Variants in ASIC4 observed in about 807,000 individuals in gnomAD.
ASIC4 encodes acid sensing ion channel subunit family member 4.
ASIC4 carries 28 observed loss-of-function variants against 53.4 expected under a neutral mutation model. The ratio of observed to expected loss-of-function variants is 0.52; its 90% CI spans 0.39 to 0.72. The LOEUF is 0.72. Ranked by LOEUF, ASIC4 falls within the 30% of genes least tolerant of loss-of-function variation. ASIC4 has a pLI of 0.00. For missense variants in ASIC4, 649 were observed against 729.7 expected, an observed-to-expected ratio of 0.89 and a Z score of 1.27; for synonymous variants, 289 against 301.4, an observed-to-expected ratio of 0.96 and a Z score of 0.43.
At position 219,537,448 on chromosome 2, in the gene ASIC4, C is replaced by T. The variant is rs1695159847; in HGVS notation, c.1401+127C>T. On this transcript the variant is annotated intron_variant, in intron 8 of 9. Coordinates refer to ENST00000358078, the MANE Select transcript of ASIC4 (RefSeq NM_018674.6). The surrounding 1 kb of genome is among the most constrained non-coding windows in gnomAD (Gnocchi z 4.9). The stretch of plus-strand genomic sequence containing the variant: ...GTTCAGGGTTCTCTGCCAGGGTCCC[C>T]TGACTGGCTGGCAGGCCTGAGGGCT... The T allele has an allele frequency of 8.2e-7, 1 of 1,225,816 alleles. No individual in the cohort carries two copies. The highest frequency in any genetic ancestry group is 1.4e-5 in the South Asian group (1 of 73,000). 75.9% of individuals were successfully genotyped at this position (1,225,816 alleles called of 1,614,324 possible).
upstream of ASIC4, among the ~76,000 whole-genome samples, chr2:219,511,846 A>G (rs963370989): frequency 6.6e-6 from 1 of 151,520 alleles, no homozygotes; most frequent in African/African-American, 2.4e-5. This position sits in a 1 kb window ranked among gnomAD's most constrained non-coding sequence, Gnocchi z 5.3. Context: ...TAAATGAGGG[A>G]GATTATCACC....
At chr2:219,514,011 G>A (rs1349608571), upstream of ASIC4, among the ~76,000 whole-genome samples, 6 of 152,194 alleles carry the variant, frequency 3.9e-5, no homozygotes, top group Non-Finnish European at 5.9e-5. Context: ...TCAGGTGGTG[G>A]CTGGGTGCTG....
At chr2:219,535,598 A>AG (rs1411627533) in intron 6 of ASIC4, among the ~76,000 whole-genome samples, 3 of 150,000 alleles carry the variant, frequency 2.0e-5, no homozygotes, top group African/African-American at 7.4e-5. Flanking sequence ...TGTATCTGTG[A>AG]ATGGGTATGT....
At chr2:219,531,146 C>T (rs527768871) in intron 1 of ASIC4, among the ~76,000 whole-genome samples, 1 of 151,304 alleles carries the variant, frequency 6.6e-6, no homozygotes, top group South Asian at 2.1e-4. Context: ...CCCAAGAGTT[C>T]AAGACCAGCC....
intron 1 of ASIC4, among the ~76,000 whole-genome samples, chr2:219,522,942 C>A (rs887390304): frequency 7.9e-5 from 12 of 151,966 alleles, no homozygotes; most frequent in African/African-American, 2.9e-4. Flanking sequence ...CGGGAGGGAG[C>A]GGAGGGCGGC....
At position 219,537,916 on chromosome 2, in the gene ASIC4, TTTTC is replaced by T. The variant is rs1695172489; in HGVS notation, c.1507-11_1507-8del. ...TGAGCTCTCCCGGTCCCACTCTCTC[TTTTC>T]TTTCTCCTGCAGAGTCCCTGCCCGA... On this transcript the variant is annotated splice_polypyrimidine_tract_variant and intron_variant, in intron 9 of 9. Transcript: ENST00000358078. This position sits in a 1 kb window ranked among gnomAD's most constrained non-coding sequence, Gnocchi z 4.9. 4.4e-6 allele frequency: 7 copies of T among 1,585,978 alleles called. No individual in the cohort carries two copies. The highest frequency in any genetic ancestry group is 2.7e-5 in the African/African-American group (2 of 74,588).
At chr2:219,511,648 C>T (rs1271660966), upstream of ASIC4, among the ~76,000 whole-genome samples, 1 of 152,248 alleles carries the variant, frequency 6.6e-6, no homozygotes, top group South Asian at 2.1e-4. This position sits in a 1 kb window ranked among gnomAD's most constrained non-coding sequence, Gnocchi z 5.3. Flanking sequence ...ACACCCAGCT[C>T]AGGGCCTGGC....
chr2:219,515,503 G>A (rs1369608963), intron 1 of ASIC4, among the ~76,000 whole-genome samples, 197 bp downstream of exon 1: 1 of 152,248 alleles, frequency 6.6e-6, no homozygotes, highest in East Asian at 1.9e-4. Flanking sequence ...GCTCATAGGG[G>A]CTTACCCTGG....
chr2:219,535,360 C>T, intron 6 of ASIC4, 36 bp downstream of exon 6: 3 of 1,538,276 alleles, frequency 2.0e-6, no homozygotes, highest in Non-Finnish European at 2.6e-6. Context: ...GGCTGTGTGA[C>T]TCTGTGTGTA....
chr2:219,525,590 C>T (rs557386734), intron 1 of ASIC4, among the ~76,000 whole-genome samples: 2 of 152,172 alleles, frequency 1.3e-5, no homozygotes, highest in Non-Finnish European at 2.9e-5. Context: ...TGAGTGACCT[C>T]GAAGTTCTGA....
chr2:219,535,721 TATG>T (rs1463129329), intron 6 of ASIC4, among the ~76,000 whole-genome samples: 2 of 151,798 alleles, frequency 1.3e-5, no homozygotes, highest in African/African-American at 2.4e-5. Flanking sequence ...GCCGCATCTC[TATG>T]ATGAGTCTTC....
At chr2:219,521,746 T>C (rs1220701317) in intron 1 of ASIC4, among the ~76,000 whole-genome samples, 1 of 42,236 alleles carries the variant, frequency 2.4e-5, no homozygotes, top group Non-Finnish European at 4.4e-5. Flanking sequence ...TAAGTATTCC[T>C]GAGTTATAAG....
chr2:219,523,493 G>T (rs1214254177), intron 1 of ASIC4, among the ~76,000 whole-genome samples: 1 of 152,176 alleles, frequency 6.6e-6, no homozygotes, highest in African/African-American at 2.4e-5. Flanking sequence ...GGAGGAAGTG[G>T]CCCTGAAAAG....
At chr2:219,525,046 A>ATTTG (rs1694942130) in intron 1 of ASIC4, among the ~76,000 whole-genome samples, 1 of 152,236 alleles carries the variant, frequency 6.6e-6, no homozygotes, top group Non-Finnish European at 1.5e-5. Flanking sequence ...GAGAGGTTTA[A>ATTTG]TCACACATCT....
rs142697874 is a variant in ASIC4 at position 219,514,688 on chromosome 2, C to T, written c.-37C>T. On this transcript the variant is annotated 5_prime_UTR_variant, in exon 1 of 10. Transcript: ENST00000358078. ...GGCTGCTGGCTAGGGAGGGACAGGGCAGGGAGGCTCTGGCCAGTCCCAGCA... is the reference window on the plus strand; with the variant it reads ...GGCTGCTGGCTAGGGAGGGACAGGGTAGGGAGGCTCTGGCCAGTCCCAGCA... The T allele has an allele frequency of 8.7e-6, 14 of 1,613,180 alleles. No individual in the cohort carries two copies. In the African/African-American group the frequency reaches 1.7e-4, roughly 20 times the overall value.
In ASIC4 at chr2:219,534,625, G is replaced by A. The variant is rs527775696; in HGVS notation, c.1076-546G>A. Among the ~76,000 whole-genome samples, 16 of 152,334 alleles carry A rather than the reference G, an allele frequency of 1.1e-4. No individual in the cohort carries two copies. In the South Asian group the frequency reaches 3.3e-3, roughly 32 times the overall value. On this transcript the variant is annotated intron_variant, in intron 5 of 9. Coordinates refer to ENST00000358078, the MANE Select transcript of ASIC4 (RefSeq NM_018674.6). Reference sequence around the variant, plus strand: ...TAGTTGATGCATTTGGGGGAGATCAGCCTCATAGGGTGCAGAGCAAGGTTG... The same window carrying A: ...TAGTTGATGCATTTGGGGGAGATCAACCTCATAGGGTGCAGAGCAAGGTTG...
chr2:219,537,681 T>G lies in ASIC4; in HGVS notation c.1451T>G (p.Leu484Arg). The part of the protein sequence containing the change: ...KRVWRRPKTP[L>R]RTSTGGISTL... ...GTATGGAGGCGTCCCAAGACCCCCC[T>G]GCGGACCTCCACTGGGGGCATCTCC... is the stretch of plus-strand genomic sequence containing the variant. Residue 484 changes from leucine (L) to arginine (R), a missense_variant, in exon 9 of 10, where the codon CTG (leucine) becomes CGG (arginine). Transcript: ENST00000358078. This position sits in a 1 kb window ranked among gnomAD's most constrained non-coding sequence, Gnocchi z 4.9. 2 of 1,614,062 alleles carry G rather than the reference T, an allele frequency of 1.2e-6. No homozygotes were observed. Among genetic ancestry groups the G allele is most frequent in the Non-Finnish European group, 1.7e-6 (2 of 1,179,982 alleles).
chr2:219,510,297 C>T (rs1397208946), upstream of ASIC4, among the ~76,000 whole-genome samples: 1 of 151,970 alleles, frequency 6.6e-6, no homozygotes, highest in Non-Finnish European at 1.5e-5. This position sits in a 1 kb window ranked among gnomAD's most constrained non-coding sequence, Gnocchi z 5.2. Flanking sequence ...TTCGCTGCTG[C>T]AAAGCCCTCT....
In ASIC4 at chr2:219,531,995, G is replaced by C; in HGVS notation, c.728-6G>C. 6.2e-7 allele frequency: 1 copy of C among 1,614,192 alleles called. No individual in the cohort carries two copies. The highest frequency in any genetic ancestry group is 8.5e-7 in the Non-Finnish European group (1 of 1,179,994). On this transcript the variant is annotated splice_region_variant and splice_polypyrimidine_tract_variant and intron_variant, in intron 2 of 9. Transcript: ENST00000358078. Reference sequence around the variant, plus strand: ...GTTTCCAAAGGTCCCCATCTCTGCTGTGCAGATGAGACGTCGTTTGAGGCA... The same window carrying C: ...GTTTCCAAAGGTCCCCATCTCTGCTCTGCAGATGAGACGTCGTTTGAGGCA...
Sources: gnomAD v4.1 joint callset for allele counts (sites outside exome capture counted in the v4.1 genomes callset) on GRCh38, gnomAD v4.1.1 for gene constraint, Gnocchi (gnomAD v3.1) non-coding constraint, MANE v1.5 for transcripts, NCBI Gene and HGNC (gene_info 2026-07-23, HGNC 2026-07-21) for gene names.